The following MAF variants were observed in gnomAD, a reference collection of about 807,000 sequenced individuals.
MAF encodes the protein MAF bZIP transcription factor.
In MAF, 10 loss-of-function variants were observed where a neutral mutation model predicts 22.0. That is an observed-to-expected ratio of 0.45 (90% CI 0.28 to 0.77). MAF has a LOEUF of 0.77. Ranked by LOEUF, MAF falls within the 30% of genes least tolerant of loss-of-function variation. The pLI is 0.12. For missense variants in MAF, 544 were observed against 548.4 expected, an observed-to-expected ratio of 0.99 and a Z score of 0.08; for synonymous variants, 337 against 255.8, an observed-to-expected ratio of 1.32 and a Z score of -3.03.
the MAF span, among the ~76,000 whole-genome samples, chr16:79,452,577 A>G: frequency 6.6e-6 from 1 of 152,142 alleles, no homozygotes; most frequent in African/African-American, 2.4e-5. Flanking sequence ...TCATTTTCTC[A>G]GGGCATGTAT....
the MAF span, among the ~76,000 whole-genome samples, chr16:79,383,383 A>G: frequency 6.6e-6 from 1 of 152,190 alleles, no homozygotes; most frequent in Non-Finnish European, 1.5e-5. Context: ...TAAAGGAAGA[A>G]AACCAGATTT....
intron 1 of MAF, among the ~76,000 whole-genome samples, chr16:79,587,453 C>T (rs753982180): frequency 1.3e-5 from 2 of 151,634 alleles, no homozygotes; most frequent in African/African-American, 4.8e-5. Context: ...TTAGAAACAA[C>T]AGAGTCTTTT....
chr16:79,345,517 C>A, the MAF span, among the ~76,000 whole-genome samples: 1 of 151,912 alleles, frequency 6.6e-6, no homozygotes, highest in African/African-American at 2.4e-5. Flanking sequence ...TACTTGAGGT[C>A]AGGAGTTCAA....
chr16:79,421,105 T>C, the MAF span, among the ~76,000 whole-genome samples: 1 of 152,196 alleles, frequency 6.6e-6, no homozygotes, highest in Non-Finnish European at 1.5e-5. Context: ...TATTTTATTA[T>C]TAGCCGTTGT....
At chr16:79,212,097 A>G in the MAF span, 1 of 1,536,056 alleles carries the variant, frequency 6.5e-7, no homozygotes, top group Admixed American at 2.0e-5. Context: ...GAGAAGCACC[A>G]GCAATTCTCT....
the MAF span, among the ~76,000 whole-genome samples, chr16:79,295,315 G>C: frequency 6.7e-6 from 1 of 149,268 alleles, no homozygotes; most frequent in African/African-American, 2.6e-5. Flanking sequence ...GAATCGGGCG[G>C]CCTTCTGAGT....
chr16:79,530,412 G>A, the MAF span, among the ~76,000 whole-genome samples: 4 of 152,218 alleles, frequency 2.6e-5, no homozygotes, highest in East Asian at 5.8e-4. Flanking sequence ...GGAAAGAGAT[G>A]TAAATATTGG....
At chr16:79,579,281 TCAATG>T in the MAF span, among the ~76,000 whole-genome samples, 1 of 152,220 alleles carries the variant, frequency 6.6e-6, no homozygotes, top group Non-Finnish European at 1.5e-5. Flanking sequence ...TTATATCCCA[TCAATG>T]TATCCTTGTA....
the MAF span, among the ~76,000 whole-genome samples, chr16:79,329,650 C>T: frequency 6.6e-6 from 1 of 152,166 alleles, no homozygotes; most frequent in Non-Finnish European, 1.5e-5. Flanking sequence ...GAATAACCCT[C>T]TAAACACCCT....
the MAF span, among the ~76,000 whole-genome samples, chr16:79,290,878 A>C: frequency 2.0e-5 from 3 of 152,104 alleles, no homozygotes; most frequent in East Asian, 5.8e-4. Context: ...GCAGATTCCC[A>C]ATCTCTACCC....
the MAF span, among the ~76,000 whole-genome samples, chr16:79,265,755 T>C: frequency 6.6e-6 from 1 of 152,176 alleles, no homozygotes; most frequent in Admixed American, 6.5e-5. Flanking sequence ...TTTCACCTTT[T>C]CCCCTAAAGG....
At chr16:79,474,536 G>C in the MAF span, among the ~76,000 whole-genome samples, 1 of 152,146 alleles carries the variant, frequency 6.6e-6, no homozygotes, top group Non-Finnish European at 1.5e-5. Context: ...GCTTGCTTTC[G>C]ATCCCCATAA....
At chr16:79,515,957 T>C in the MAF span, 1 of 5,318 alleles carries the variant, frequency 1.9e-4, no homozygotes, top group Admixed American at 5.6e-3. Flanking sequence ...AATTAAGCCT[T>C]TTTTTTTTTT....
downstream of MAF, among the ~76,000 whole-genome samples, chr16:79,591,227 G>C (rs530218096): frequency 6.6e-6 from 1 of 152,188 alleles, no homozygotes; most frequent in East Asian, 1.9e-4. Flanking sequence ...GAGAAATTCA[G>C]AATGCGAATC....
chr16:79,402,967 T>C, the MAF span, among the ~76,000 whole-genome samples: 1 of 152,102 alleles, frequency 6.6e-6, no homozygotes, highest in Non-Finnish European at 1.5e-5. Flanking sequence ...TGCCCACCCA[T>C]GGTTACCCTG....
chr16:79,251,228 C>T, the MAF span, among the ~76,000 whole-genome samples: 4 of 151,954 alleles, frequency 2.6e-5, no homozygotes, highest in African/African-American at 7.3e-5. Context: ...CCGCTGATTG[C>T]GCATTTGATG....
At chr16:79,289,204 G>A in the MAF span, among the ~76,000 whole-genome samples, 6 of 152,280 alleles carry the variant, frequency 3.9e-5, no homozygotes, top group African/African-American at 9.6e-5. Context: ...GGAGTGGCAC[G>A]GTGTGACTGG....
At chr16:79,369,384 A>T in the MAF span, among the ~76,000 whole-genome samples, 3 of 152,182 alleles carry the variant, frequency 2.0e-5, no homozygotes, top group Non-Finnish European at 2.9e-5. Context: ...CCCAAAGCCC[A>T]TATTTTTCTA....
chr16:79,563,103 G>A, the MAF span, among the ~76,000 whole-genome samples: 4 of 129,928 alleles, frequency 3.1e-5, no homozygotes, highest in South Asian at 2.3e-4. Flanking sequence ...CAGAACTTAC[G>A]CTCAGGAGGA....
Sources: allele counts gnomAD v4.1 joint callset (sites outside exome capture counted in the v4.1 genomes callset), GRCh38; gene constraint gnomAD v4.1.1; transcripts MANE v1.5; gene names NCBI Gene and HGNC (gene_info 2026-07-23, HGNC 2026-07-21).